PADI3: variants seen among roughly 807,000 people sequenced by gnomAD.
PADI3 encodes peptidyl arginine deiminase 3, also known as protein-arginine deiminase type-3.
In PADI3, 53 loss-of-function variants were observed where a neutral mutation model predicts 71.5. The ratio of observed to expected loss-of-function variants is 0.74; its 90% CI spans 0.59 to 0.93. The LOEUF (loss-of-function observed/expected upper bound fraction) is 0.93. Among genes scored for constraint, PADI3 ranks in the 40% least tolerant of loss-of-function variants. PADI3 has a pLI of 0.00. For missense variants in PADI3, 821 were observed against 868.0 expected (o/e 0.95, Z 0.68); for synonymous variants, 361 against 347.5 (o/e 1.04, Z -0.43).
At chr1:17,273,232 G>C in intron 9 of PADI3, 108 bp from the exon 10 acceptor site, 1 of 778,698 alleles carries the variant, frequency 1.3e-6, no homozygotes, top group Non-Finnish European at 2.1e-6. Context: ...AACATGCTTG[G>C]GCCAGGGGAC....
chr1:17,282,741 G>A (rs1369982697), intron 15 of PADI3, 105 bp from the exon 16 acceptor site: 1 of 787,002 alleles, frequency 1.3e-6, no homozygotes, highest in Non-Finnish European at 2.1e-6. Context: ...AGGGTGAGTA[G>A]CTATTGACAA....
chr1:17,252,828 C>T (rs2072982884), intron 1 of PADI3, among the ~76,000 whole-genome samples: 1 of 152,208 alleles, frequency 6.6e-6, no homozygotes, highest in African/African-American at 2.4e-5. Flanking sequence ...ACTGGGCTTT[C>T]CCATAACATG....
At chr1:17,256,639 G>A (rs80216304) in intron 1 of PADI3, among the ~76,000 whole-genome samples, 3,990 of 152,302 alleles carry the variant, frequency 0.026, 78 homozygotes, top group Non-Finnish European at 0.042. Flanking sequence ...TGGGGACTGA[G>A]TGGGGTTTTC....
Position 17,283,132 on chromosome 1 carries a change from G to A in PADI3, c.*53G>A. 1 of 1,422,640 alleles carries A rather than the reference G, an allele frequency of 7.0e-7. No individual in the cohort carries two copies. The highest frequency in any genetic ancestry group is 9.9e-7 in the Non-Finnish European group (1 of 1,012,984). The allele number at this position is 1,422,640 out of a possible 1,614,324, so 88.1% of individuals were successfully genotyped here. On this transcript the variant is annotated 3_prime_UTR_variant, in exon 16 of 16. Coordinates refer to ENST00000375460, the MANE Select transcript of PADI3 (RefSeq NM_016233.2). ...CCTGGGGCGGGCATTGGCCCAGGTG[G>A]TGGAGACAGAGACAGGCCCCTGAAC...
Position 17,259,749 on chromosome 1 carries a change from C to T in PADI3, c.264C>T (p.Asn88=), listed in dbSNP as rs771465297. 24 of 1,603,864 alleles carry T rather than the reference C, an allele frequency of 1.5e-5. No homozygotes were observed. Among genetic ancestry groups the T allele is most frequent in the African/African-American group, 2.7e-5 (2 of 74,748 alleles). ...TGAACTCCCCCAGCAATGACCTCAACGACAGCCATGTGAGCTGGTCCCTGG... is the reference window on the plus strand; with the variant it reads ...TGAACTCCCCCAGCAATGACCTCAATGACAGCCATGTGAGCTGGTCCCTGG... ...VVMNSPSNDL[N]DSHVQISYHS... Residue 88 remains asparagine (N), a synonymous_variant, in exon 2 of 16, where the codon AAC becomes AAT. Transcript: ENST00000375460.
chr1:17,257,581 G>A (rs2073043615), intron 1 of PADI3, among the ~76,000 whole-genome samples: 1 of 152,254 alleles, frequency 6.6e-6, no homozygotes, highest in African/African-American at 2.4e-5. Flanking sequence ...AACTGGTGAG[G>A]ACACCTGACA....
At chr1:17,259,270 C>T (rs2073069380) in intron 1 of PADI3, among the ~76,000 whole-genome samples, 1 of 152,188 alleles carries the variant, frequency 6.6e-6, no homozygotes, top group Non-Finnish European at 1.5e-5. Flanking sequence ...AGGGTTTCAC[C>T]ATGTTGGCCA....
At chr1:17,276,327 A>G (rs1461759753) in intron 11 of PADI3, among the ~76,000 whole-genome samples, 192 bp from the exon 12 acceptor site, 1 of 152,234 alleles carries the variant, frequency 6.6e-6, no homozygotes, top group East Asian at 1.9e-4. Flanking sequence ...ACAGAGTGAG[A>G]TTCCATCTCA....
chr1:17,280,618 C>T, intron 14 of PADI3, 53 bp from the exon 15 acceptor site: 3 of 1,612,132 alleles, frequency 1.9e-6, no homozygotes, highest in East Asian at 2.2e-5. Flanking sequence ...GCCTTGGTGC[C>T]CCCAAAACAC....
chr1:17,251,713 A>C (rs914961395), intron 1 of PADI3, among the ~76,000 whole-genome samples: 3 of 152,170 alleles, frequency 2.0e-5, no homozygotes, highest in Non-Finnish European at 4.4e-5. Context: ...GCATTGAATG[A>C]GATTGTGTGT....
intron 2 of PADI3, among the ~76,000 whole-genome samples, chr1:17,260,317 T>C (rs1158444675): frequency 6.6e-6 from 1 of 152,092 alleles, no homozygotes; most frequent in East Asian, 1.9e-4. Flanking sequence ...ATTTAACACA[T>C]GGGAGAAATG....
chr1:17,250,854 G>A (rs1327788139), intron 1 of PADI3, among the ~76,000 whole-genome samples: 8 of 152,172 alleles, frequency 5.3e-5, no homozygotes, highest in South Asian at 2.1e-4. Flanking sequence ...CTCCTCCCCC[G>A]CAGAGCTTCC....
chr1:17,257,635 T>C (rs180918715), intron 1 of PADI3, among the ~76,000 whole-genome samples: 347 of 152,296 alleles, frequency 2.3e-3, no homozygotes, highest in South Asian at 0.01. Context: ...GGAGAGAAGC[T>C]TGGGCTTGGT....
intron 1 of PADI3, among the ~76,000 whole-genome samples, chr1:17,252,229 T>C (rs2072974263): frequency 6.6e-6 from 1 of 152,022 alleles, no homozygotes; most frequent in Admixed American, 6.6e-5. Flanking sequence ...GGGATGGTGG[T>C]CTGACAAGTG....
chr1:17,275,039 G>A (rs558755655), intron 11 of PADI3, among the ~76,000 whole-genome samples: 2 of 152,262 alleles, frequency 1.3e-5, no homozygotes, highest in African/African-American at 4.8e-5. Context: ...TTACAAGTGG[G>A]CCCAGAGAGG....
In PADI3 at chr1:17,266,829, C is replaced by T. The variant is rs2100577547; in HGVS notation, c.519C>T (p.Cys173=). The change falls in exon 5 of 16, where the codon TGC becomes TGT. Residue 173 remains cysteine, a synonymous_variant. Transcript: ENST00000375460. The part of the protein sequence containing the change: ...VQDNCDQHVH[C]LQDLEDMSVM... ...ACAATTGTGACCAGCACGTGCACTG[C>T]CTGCAAGGTGAGGCCGGGGCAGCCT... 2 of 1,612,460 alleles carry T rather than the reference C, an allele frequency of 1.2e-6. No homozygotes were observed. Among genetic ancestry groups the T allele is most frequent in the South Asian group, 1.1e-5 (1 of 91,046 alleles).
chr1:17,250,607 T>C (rs1450864041), intron 1 of PADI3, among the ~76,000 whole-genome samples: 1 of 151,686 alleles, frequency 6.6e-6, no homozygotes, highest in Admixed American at 6.6e-5. Flanking sequence ...CTGGTATTGG[T>C]GGGTGGGCAG....
At position 17,274,705 on chromosome 1, in the gene PADI3, A is replaced by G. The variant is rs199547613; in HGVS notation, c.1226A>G (p.Asn409Ser). Residue 409 changes from asparagine (N) to serine (S), a missense_variant, in exon 11 of 16, where the codon AAC (asparagine) becomes AGC (serine). Asn to Ser is a conservative substitution (Grantham distance 46, BLOSUM62 1). Coordinates refer to ENST00000375460, the MANE Select transcript of PADI3 (RefSeq NM_016233.2). ...RSVSGLDSFG[N>S]LEVSPPVVAN... Reference sequence around the variant, plus strand: ...GTGAGTGGCCTGGACTCCTTTGGGAACCTGGAGGTCAGCCCTCCAGTGGTG... The same window carrying G: ...GTGAGTGGCCTGGACTCCTTTGGGAGCCTGGAGGTCAGCCCTCCAGTGGTG... The G allele has an allele frequency of 3.1e-6, 5 of 1,613,666 alleles. No individual in the cohort carries two copies. The East Asian group carries it at 1.1e-4, about 36-fold the overall frequency.
At chr1:17,282,373 T>G (rs993287294) in intron 15 of PADI3, among the ~76,000 whole-genome samples, 2 of 152,168 alleles carry the variant, frequency 1.3e-5, no homozygotes, top group African/African-American at 4.8e-5. Context: ...TTCTTCCAGC[T>G]TGGCTTCCTT....
Sources: allele counts gnomAD v4.1 joint callset (sites outside exome capture counted in the v4.1 genomes callset), GRCh38; gene constraint gnomAD v4.1.1; transcripts MANE v1.5; gene names NCBI Gene and HGNC (gene_info 2026-07-23, HGNC 2026-07-21).